The following TMEM185A variants were observed in gnomAD, a reference collection of about 807,000 sequenced individuals.
TMEM185A encodes the protein transmembrane protein 185A.
A neutral mutation model predicts 25.0 loss-of-function variants in TMEM185A; 9 were observed. That is an observed-to-expected ratio of 0.36 (90% CI 0.22 to 0.63). The LOEUF is 0.63. Among genes scored for constraint, TMEM185A ranks in the 20% least tolerant of loss-of-function variants. The pLI, the probability that TMEM185A is intolerant of heterozygous loss-of-function variation, is 0.68. For missense variants in TMEM185A, 103 were observed against 237.4 expected, an observed-to-expected ratio of 0.43 and a Z score of 3.72; for synonymous variants, 45 against 93.5, an observed-to-expected ratio of 0.48 and a Z score of 2.99.
intron 1 of TMEM185A, among the ~76,000 whole-genome samples, chrX:149,622,782 T>C (rs1285359141): frequency 8.9e-6 from 1 of 112,237 alleles, no homozygotes; most frequent in Non-Finnish European, 1.9e-5. Context: ...AAGATTAATT[T>C]CCCTGAGAGA....
chrX:149,618,130 T>C (rs1198982289), intron 1 of TMEM185A, among the ~76,000 whole-genome samples: 1 of 111,801 alleles, frequency 8.9e-6, no homozygotes, highest in Non-Finnish European at 1.9e-5. Context: ...TTTACACTGA[T>C]AAATGAACAT....
intron 3 of TMEM185A, among the ~76,000 whole-genome samples, chrX:149,607,268 T>G (rs2090057481): frequency 8.9e-6 from 1 of 111,853 alleles, no homozygotes; most frequent in Non-Finnish European, 1.9e-5. Flanking sequence ...CCAACTGCAG[T>G]CTTCTCCCTT....
At position 149,631,754 on chromosome X, in the gene TMEM185A, C is replaced by T; in HGVS notation, c.-174G>A. On this transcript the variant is annotated 5_prime_UTR_variant, in exon 1 of 7. Transcript: ENST00000600449. Reference sequence around the variant, plus strand: ...TCGCCGTCGCCGCCGCCGCCGCCGCCGCCGCCGCCGCCGCCGCCGCCGCCG... The same window carrying T: ...TCGCCGTCGCCGCCGCCGCCGCCGCTGCCGCCGCCGCCGCCGCCGCCGCCG... 3.8e-5 allele frequency: 1 copy of T among 26,069 alleles called. No individual in the cohort carries two copies. Among genetic ancestry groups the T allele is most frequent in the Non-Finnish European group, 6.5e-5 (1 of 15,331 alleles). The allele number at this position is 26,069 out of a possible 1,213,427, so 2.1% of individuals were successfully genotyped here.
intron 1 of TMEM185A, among the ~76,000 whole-genome samples, chrX:149,612,853 G>A (rs1369176651): frequency 3.6e-5 from 4 of 112,060 alleles, no homozygotes; most frequent in South Asian, 7.4e-4. Flanking sequence ...CTGATCTTGC[G>A]ATAGTAGGGG....
intron 1 of TMEM185A, among the ~76,000 whole-genome samples, chrX:149,629,912 G>T (rs1569561113): frequency 9.0e-6 from 1 of 111,709 alleles, no homozygotes; most frequent in Non-Finnish European, 1.9e-5. Context: ...ATCCTTAATT[G>T]GCCTCCCTAC....
chrX:149,626,804 A>G (rs1383649125), intron 1 of TMEM185A, among the ~76,000 whole-genome samples: 7 of 112,247 alleles, frequency 6.2e-5, no homozygotes, highest in African/African-American at 2.3e-4. Flanking sequence ...AATAAGTTCA[A>G]GGAAAGGTAC....
chrX:149,617,278 T>C (rs1464018286), intron 1 of TMEM185A, among the ~76,000 whole-genome samples: 2 of 111,803 alleles, frequency 1.8e-5, no homozygotes, highest in South Asian at 3.7e-4. Flanking sequence ...CTCCAAAAGA[T>C]ACCTATCATT....
chrX:149,629,578 C>T (rs782107453), intron 1 of TMEM185A, among the ~76,000 whole-genome samples: 18 of 112,266 alleles, frequency 1.6e-4, no homozygotes, highest in Non-Finnish European at 3.2e-4. Flanking sequence ...AGGAAAATGG[C>T]ACAGTATAAA....
chrX:149,628,983 G>A (rs924823768), intron 1 of TMEM185A, among the ~76,000 whole-genome samples: 1 of 111,983 alleles, frequency 8.9e-6, no homozygotes, highest in African/African-American at 3.3e-5. Flanking sequence ...ACACAGTCAC[G>A]GCCTTGACCC....
chrX:149,601,516 C>T (rs1283320493), intron 4 of TMEM185A: 1 of 97,948 alleles, frequency 1.0e-5, no homozygotes, highest in East Asian at 3.0e-4. Context: ...CATCGCGAGA[C>T]AAGTAACCTG....
At chrX:149,607,943 G>A (rs1188791491) in intron 3 of TMEM185A, among the ~76,000 whole-genome samples, 6 of 112,022 alleles carry the variant, frequency 5.4e-5, no homozygotes, top group African/African-American at 1.3e-4. Flanking sequence ...CAAAAACTGT[G>A]GTTTCCTGGA....
Position 149,622,170 on chromosome X carries a change from A to G in TMEM185A, c.38+9373T>C, listed in dbSNP as rs1485940924. Among the ~76,000 whole-genome samples, 3 of 112,644 alleles carry G rather than the reference A, an allele frequency of 2.7e-5. No homozygotes were observed. The East Asian group carries it at 8.3e-4, about 31-fold the overall frequency. ...AGGTTTAGCACGCCTGGATGAAGAC[A>G]AGAGCAACAATTTACTATCTTTAAA... On this transcript the variant is annotated intron_variant, in intron 1 of 6. Coordinates refer to ENST00000600449, the MANE Select transcript of TMEM185A (RefSeq NM_032508.4).
chrX:149,603,076 A>G (rs2090026116), intron 4 of TMEM185A, among the ~76,000 whole-genome samples: 1 of 112,051 alleles, frequency 8.9e-6, no homozygotes, highest in Non-Finnish European at 1.9e-5. Flanking sequence ...GTGGCAATGG[A>G]ACTCTTCTGC....
Position 149,631,724 on chromosome X carries a change from CGCCGT to C in TMEM185A, c.-149_-145del. The C allele has an allele frequency of 2.1e-6, 1 of 465,708 alleles. No individual in the cohort carries two copies. Among genetic ancestry groups the C allele is most frequent in the East Asian group, 6.1e-5 (1 of 16,449 alleles). The allele number at this position is 465,708 out of a possible 1,213,427, so 38.4% of individuals were successfully genotyped here. Reference sequence around the variant, plus strand: ...CTACTGCTGCCGTCCCCGCTGCCGTCGCCGTCGCCGTCGCCGCCGCCGCCGCCGCC... The same window carrying C: ...CTACTGCTGCCGTCCCCGCTGCCGTCCGCCGTCGCCGCCGCCGCCGCCGCC... On this transcript the variant is annotated 5_prime_UTR_variant, in exon 1 of 7. Transcript: ENST00000600449.
At chrX:149,630,771 A>T (rs1204755483) in intron 1 of TMEM185A, among the ~76,000 whole-genome samples, 1 of 111,382 alleles carries the variant, frequency 9.0e-6, no homozygotes, top group Non-Finnish European at 1.9e-5. Flanking sequence ...AGCTTCAGGG[A>T]GCTCACAGCC....
chrX:149,624,640 C>G (rs1341006260), intron 1 of TMEM185A, among the ~76,000 whole-genome samples: 1 of 111,915 alleles, frequency 8.9e-6, no homozygotes, highest in Non-Finnish European at 1.9e-5. Flanking sequence ...AAATGACAAC[C>G]TGACATACTC....
chrX:149,620,590 A>G (rs2090134941), intron 1 of TMEM185A, among the ~76,000 whole-genome samples: 1 of 111,603 alleles, frequency 9.0e-6, no homozygotes, highest in Non-Finnish European at 1.9e-5. Context: ...TTTGTGCTCC[A>G]GCACCAGCTG....
intron 2 of TMEM185A, among the ~76,000 whole-genome samples, chrX:149,609,451 A>G (rs2090070106): frequency 8.9e-6 from 1 of 112,942 alleles, no homozygotes; most frequent in Admixed American, 9.4e-5. Flanking sequence ...CACATGAAAG[A>G]GAAAGAAGAA....
intron 1 of TMEM185A, among the ~76,000 whole-genome samples, chrX:149,629,182 T>C (rs1293588781): frequency 2.7e-5 from 3 of 111,356 alleles, no homozygotes; most frequent in African/African-American, 9.8e-5. Context: ...TGAGGATAAA[T>C]AGGAGTTCAC....
Sources: allele counts gnomAD v4.1 joint callset (sites outside exome capture counted in the v4.1 genomes callset), GRCh38; gene constraint gnomAD v4.1.1; transcripts MANE v1.5; gene names NCBI Gene and HGNC (gene_info 2026-07-23, HGNC 2026-07-21).